KCNH6: variants seen among roughly 807,000 people sequenced by gnomAD.
KCNH6 encodes the protein potassium voltage-gated channel subfamily H member 6, also known as voltage-gated inwardly rectifying potassium channel KCNH6.
In KCNH6, 81 loss-of-function variants were observed where a neutral mutation model predicts 83.4. The observed-to-expected ratio is 0.97, with a 90% CI of 0.81 to 1.17. KCNH6 has a LOEUF of 1.17. Ranked by LOEUF, KCNH6 falls within the 50% of genes most tolerant of loss-of-function variation. The pLI, the probability that KCNH6 is intolerant of heterozygous loss-of-function variation, is 0.00. For synonymous variants in KCNH6, 503 were observed against 545.6 expected, an observed-to-expected ratio of 0.92 and a Z score of 1.09; for missense variants, 1,203 against 1,290.5, an observed-to-expected ratio of 0.93 and a Z score of 1.04.
At chr17:63,544,073 G>T (rs2033021068) in intron 10 of KCNH6, 176 bp from the exon 11 acceptor site, 1 of 1,608,612 alleles carries the variant, frequency 6.2e-7, no homozygotes, top group African/African-American at 1.3e-5. Flanking sequence ...TGGGTCCTGG[G>T]AGCCAGAACT....
chr17:63,547,524 CTTT>C (rs2033172703), downstream of KCNH6, among the ~76,000 whole-genome samples: 1 of 20,260 alleles, frequency 4.9e-5, no homozygotes, highest in South Asian at 1.4e-3. Flanking sequence ...AGAAACCCTT[CTTT>C]AACATCGTTC....
Position 63,538,773 on chromosome 17 carries a change from T to G in KCNH6, c.1954+111T>G. The G allele has an allele frequency of 1.7e-6, 2 of 1,151,748 alleles. No individual in the cohort carries two copies. Among genetic ancestry groups the G allele is most frequent in the South Asian group, 3.2e-5 (2 of 62,930 alleles). 71.3% of individuals were successfully genotyped at this position (1,151,748 alleles called of 1,614,324 possible). On this transcript the variant is annotated intron_variant, in intron 8 of 12. Transcript: ENST00000314672. This position sits in a 1 kb window ranked among gnomAD's most constrained non-coding sequence, Gnocchi z 4.0. ...TTCCTGATGAGGATTTTACTTTTAC[T>G]GGCAGCCACTTGCACAGCATGTGCC...
chr17:63,547,194 G>A (rs1406961111), downstream of KCNH6, among the ~76,000 whole-genome samples: 1 of 152,078 alleles, frequency 6.6e-6, no homozygotes, highest in African/African-American at 2.4e-5. Context: ...GCGAAAGAGT[G>A]TGCTTCTGTG....
At position 63,534,433 on chromosome 17, in the gene KCNH6, C is replaced by G. The variant is rs7225111; in HGVS notation, c.1101+122C>G. 2.0e-6 allele frequency: 2 copies of G among 1,003,254 alleles called. No homozygotes were observed. The highest frequency in any genetic ancestry group is 2.9e-6 in the Non-Finnish European group (2 of 693,654). 62.1% of individuals were successfully genotyped at this position (1,003,254 alleles called of 1,614,324 possible). A position where few individuals can be genotyped will look rare whatever the true frequency, so the allele number is the denominator to read the frequency against. On this transcript the variant is annotated intron_variant, in intron 5 of 12. Coordinates refer to ENST00000314672, the MANE Select transcript of KCNH6 (RefSeq NM_001278919.2). This position sits in a 1 kb window ranked among gnomAD's most constrained non-coding sequence, Gnocchi z 5.0. ...GGCACTGGGCACCTTTGCTGAAGCA[C>G]GTGGAGGTGGAGAGGAGGCCCCAAA...
In KCNH6 at chr17:63,533,736, C is replaced by T; in HGVS notation, c.676-150C>T. ...TAGGAACTTGCCTTCTCAGACACCC[C>T]CCACCCCATCTCTCCCTCATCCCCT... On this transcript the variant is annotated intron_variant, in intron 4 of 12. Transcript: ENST00000314672. This position sits in a 1 kb window ranked among gnomAD's most constrained non-coding sequence, Gnocchi z 4.1. 3 of 646,792 alleles carry T rather than the reference C, an allele frequency of 4.6e-6. No homozygotes were observed. The highest frequency in any genetic ancestry group is 8.0e-6 in the Non-Finnish European group (3 of 374,524). The allele number at this position is 646,792 out of a possible 1,614,324, so 40.1% of individuals were successfully genotyped here.
At chr17:63,544,203 G>A (rs2147735639) in intron 10 of KCNH6, 46 bp from the exon 11 acceptor site, 1 of 1,600,128 alleles carries the variant, frequency 6.2e-7, no homozygotes, top group Non-Finnish European at 8.5e-7. Context: ...GGTCAGGCCT[G>A]TGGAACCAGC....
Position 63,533,543 on chromosome 17 carries a change from A to G in KCNH6, c.676-343A>G, listed in dbSNP as rs1227014355. ...GTGGGCTCTTGTGTGGAATGGGTCT[A>G]TAGATGTCCATGGGCCTGGCCCTCC... On this transcript the variant is annotated intron_variant, in intron 4 of 12. Transcript: ENST00000314672. The surrounding 1 kb of genome is among the most constrained non-coding windows in gnomAD (Gnocchi z 4.1). 6.6e-6 allele frequency among the ~76,000 whole-genome samples: 1 copy of G among 152,096 alleles called. No individual in the cohort carries two copies. The highest frequency in any genetic ancestry group is 6.5e-5 in the Admixed American group (1 of 15,284).
rs182961330 is a variant in KCNH6 at position 63,530,410 on chromosome 17, C to A, written c.543C>A (p.Ile181=). 2 of 1,614,234 alleles carry A rather than the reference C, an allele frequency of 1.2e-6. No homozygotes were observed. Among genetic ancestry groups the A allele is most frequent in the African/African-American group, 1.3e-5 (1 of 75,078 alleles). ...GCAAGTACAGGACCATCAGCCAGAT[C>A]CCACAGTTCACGCTCAACTTCGTGG... ...GRGKYRTISQ[I]PQFTLNFVEF... is the part of the protein sequence containing the mutation. The change falls in exon 4 of 13, where the codon ATC becomes ATA. Residue 181 remains isoleucine (I), a synonymous_variant. Transcript: ENST00000314672.
At chr17:63,544,163 AGG>A (rs1291934400) in intron 10 of KCNH6, 84 bp from the exon 11 acceptor site, 3 of 1,598,768 alleles carry the variant, frequency 1.9e-6, no homozygotes, top group Non-Finnish European at 1.7e-6. Flanking sequence ...CAGGGCAGGT[AGG>A]GGGTGGGGGA....
At position 63,533,918 on chromosome 17, in the gene KCNH6, G is replaced by C; in HGVS notation, c.708G>C (p.Glu236Asp). Reference sequence around the variant, plus strand: ...CCCTGGGCGCGGATGTGCTGCCGGAGTACAAGCTGCAGGCGCCGCGCATCC... The same window carrying C: ...CCCTGGGCGCGGATGTGCTGCCGGACTACAAGCTGCAGGCGCCGCGCATCC... ...VLSLGADVLPEYKLQAPRIHR... is the reference protein window; with the variant it reads ...VLSLGADVLPDYKLQAPRIHR... Residue 236 changes from glutamate to aspartate, a missense_variant, in exon 5 of 13, where the codon GAG becomes GAC. Glu to Asp is a conservative substitution (Grantham distance 45). Coordinates refer to ENST00000314672, the MANE Select transcript of KCNH6 (RefSeq NM_001278919.2). This position sits in a 1 kb window ranked among gnomAD's most constrained non-coding sequence, Gnocchi z 4.1. The C allele has an allele frequency of 6.2e-7, 1 of 1,613,878 alleles. No individual in the cohort carries two copies. Among genetic ancestry groups the C allele is most frequent in the Non-Finnish European group, 8.5e-7 (1 of 1,179,868 alleles).
At chr17:63,524,008 C>T in intron 1 of KCNH6, 131 bp from the exon 2 acceptor site, 2 of 726,552 alleles carry the variant, frequency 2.8e-6, no homozygotes, top group East Asian at 2.5e-5. Context: ...GACTCCCTCC[C>T]TCATTCCGGT....
intron 12 of KCNH6, 44 bp from the exon 13 acceptor site, chr17:63,545,565 C>A: frequency 6.3e-7 from 1 of 1,577,298 alleles, no homozygotes; most frequent in Non-Finnish European, 8.6e-7. Flanking sequence ...TGGATTAACC[C>A]GCAGCCTGGC....
At chr17:63,539,216 C>T (rs2032721457) in intron 8 of KCNH6, among the ~76,000 whole-genome samples, 1 of 152,178 alleles carries the variant, frequency 6.6e-6, no homozygotes. Flanking sequence ...TGATTCTCAT[C>T]TTCCTTGCCT....
At position 63,545,667 on chromosome 17, in the gene KCNH6, G is replaced by T. The variant is rs1002872631; in HGVS notation, c.2642G>T (p.Arg881Met). 5.0e-6 allele frequency: 8 copies of T among 1,614,022 alleles called. No individual in the cohort carries two copies. The highest frequency in any genetic ancestry group is 6.8e-6 in the Non-Finnish European group (8 of 1,179,992). ...CSPKHRNSSP[R>M]MPHLAVATDK... Reference sequence around the variant, plus strand: ...CCAAAGCACAGGAACTCCTCCCCCAGGATGCCTCACCTGGCTGTGGCAACG... The same window carrying T: ...CCAAAGCACAGGAACTCCTCCCCCATGATGCCTCACCTGGCTGTGGCAACG... Residue 881 changes from arginine to methionine, a missense_variant, in exon 13 of 13, where the codon AGG (arginine) becomes ATG (methionine). Transcript: ENST00000314672.
At chr17:63,536,220 G>T in intron 6 of KCNH6, 152 bp downstream of exon 6, 1 of 714,118 alleles carries the variant, frequency 1.4e-6, no homozygotes, top group Non-Finnish European at 2.3e-6. Flanking sequence ...AATTTTTGCT[G>T]GTGTGTGCAC....
In KCNH6 at chr17:63,534,034, C is replaced by A. The variant is rs2032302232; in HGVS notation, c.824C>A (p.Pro275His). ...LLVIYTAVFT[P>H]YSAAFLLSDQ... The stretch of plus-strand genomic sequence containing the variant: ...GTCATCTACACGGCTGTCTTCACGC[C>A]CTACTCAGCCGCCTTCCTGCTCAGC... Residue 275 changes from proline (P) to histidine (H), a missense_variant, in exon 5 of 13, where the codon CCC (proline) becomes CAC (histidine). Pro to His is a moderately conservative substitution (Grantham distance 77). Coordinates refer to ENST00000314672, the MANE Select transcript of KCNH6 (RefSeq NM_001278919.2). This position sits in a 1 kb window ranked among gnomAD's most constrained non-coding sequence, Gnocchi z 5.0. The A allele has an allele frequency of 6.2e-7, 1 of 1,614,190 alleles. No homozygotes were observed. Among genetic ancestry groups the A allele is most frequent in the East Asian group, 2.2e-5 (1 of 44,888 alleles).
chr17:63,524,619 C>T (rs1460186191), intron 2 of KCNH6, among the ~76,000 whole-genome samples: 1 of 152,260 alleles, frequency 6.6e-6, no homozygotes, highest in Non-Finnish European at 1.5e-5. Context: ...TCTGCCATCC[C>T]TCTGCTGTGT....
rs1391570580 is a variant in KCNH6 at position 63,546,499 on chromosome 17, G to A, written c.*597G>A. 1 of 152,968 alleles carries A rather than the reference G, an allele frequency of 6.5e-6. No individual in the cohort carries two copies. The highest frequency in any genetic ancestry group is 6.5e-5 in the Admixed American group (1 of 15,362). The allele number at this position is 152,968 out of a possible 1,614,324, so 9.5% of individuals were successfully genotyped here. A position where few individuals can be genotyped will look rare whatever the true frequency, so the allele number is the denominator to read the frequency against. On this transcript the variant is annotated 3_prime_UTR_variant, in exon 13 of 13. Coordinates refer to ENST00000314672, the MANE Select transcript of KCNH6 (RefSeq NM_001278919.2). Reference sequence around the variant, plus strand: ...CTGATCTACATGAGTACCTTGCTCTGAGCCTCCCAGCTCAGAACCCTCCAG... The same window carrying A: ...CTGATCTACATGAGTACCTTGCTCTAAGCCTCCCAGCTCAGAACCCTCCAG...
intron 10 of KCNH6, 139 bp downstream of exon 10, chr17:63,543,799 C>T: frequency 6.1e-6 from 4 of 657,224 alleles, no homozygotes; most frequent in Non-Finnish European, 5.5e-6. Context: ...AGACCCAGAG[C>T]TGGAGCCTTG....
Sources: allele counts gnomAD v4.1 joint callset (sites outside exome capture counted in the v4.1 genomes callset), GRCh38; gene constraint gnomAD v4.1.1; non-coding constraint Gnocchi (gnomAD v3.1); transcripts MANE v1.5; gene names NCBI Gene and HGNC (gene_info 2026-07-23, HGNC 2026-07-21).